The following EPHA3 variants were observed in gnomAD, a reference collection of about 807,000 sequenced individuals.
EPHA3 encodes EPH receptor A3.
A neutral mutation model predicts 107.1 loss-of-function variants in EPHA3; 42 were observed. The ratio of observed to expected loss-of-function variants is 0.39; its 90% CI spans 0.31 to 0.51. The LOEUF is 0.51. EPHA3 is among the 20% of genes least tolerant of loss of function. The probability of loss-of-function intolerance (pLI) is 0.78; values close to 1 mark genes in which losing one functional copy is unlikely to be tolerated. For synonymous variants in EPHA3, 461 were observed against 424.8 expected, an observed-to-expected ratio of 1.09 and a Z score of -1.05; for missense variants, 1,183 against 1,211.2, an observed-to-expected ratio of 0.98 and a Z score of 0.35.
At chr3:89,245,129 A>G (rs1416313743) in intron 3 of EPHA3, among the ~76,000 whole-genome samples, 1 of 152,216 alleles carries the variant, frequency 6.6e-6, no homozygotes, top group East Asian at 1.9e-4. Flanking sequence ...AATAGCACAG[A>G]TCATGCCTAT....
At chr3:89,231,420 A>G (rs1704631899) in intron 3 of EPHA3, among the ~76,000 whole-genome samples, 1 of 152,204 alleles carries the variant, frequency 6.6e-6, no homozygotes, top group Non-Finnish European at 1.5e-5. Context: ...ACTATTTTCT[A>G]TTAAATACCT....
At position 89,451,079 on chromosome 3, in the gene EPHA3, C is replaced by T. The variant is rs923338352; in HGVS notation, c.2690+709C>T. ...ACAAATATTTGTCTAGTCTATATTG[C>T]GTATCAATTACTTTGCTAGACACCA... On this transcript the variant is annotated intron_variant, in intron 15 of 16. Coordinates refer to ENST00000336596, the MANE Select transcript of EPHA3 (RefSeq NM_005233.6). 5.3e-5 allele frequency among the ~76,000 whole-genome samples: 8 copies of T among 152,132 alleles called. No homozygotes were observed. In the South Asian group the frequency reaches 1.2e-3, roughly 24 times the overall value.
chr3:89,391,568 T>C (rs1186472697), intron 5 of EPHA3, among the ~76,000 whole-genome samples: 2 of 151,136 alleles, frequency 1.3e-5, no homozygotes, highest in African/African-American at 2.4e-5. Flanking sequence ...GCTGGGACTA[T>C]AGGTGCCCGC....
chr3:89,136,191 A>AT (rs1704305904), intron 2 of EPHA3, among the ~76,000 whole-genome samples: 1 of 152,002 alleles, frequency 6.6e-6, no homozygotes. Context: ...AATTTTTGAC[A>AT]TATGTGATAT....
intron 13 of EPHA3, among the ~76,000 whole-genome samples, chr3:89,435,357 C>T (rs1232439136): frequency 1.3e-5 from 2 of 150,290 alleles, no homozygotes; most frequent in East Asian, 2.0e-4. Context: ...CTTGACACTT[C>T]GAGAGGCCAA....
chr3:89,456,653 A>G (rs1710103343), intron 15 of EPHA3, among the ~76,000 whole-genome samples: 2 of 152,150 alleles, frequency 1.3e-5, no homozygotes, highest in South Asian at 4.1e-4. Flanking sequence ...GAAGGTGGAA[A>G]AGCTGATGGT....
chr3:89,131,246 C>T (rs1576170916), intron 2 of EPHA3, among the ~76,000 whole-genome samples: 1 of 152,050 alleles, frequency 6.6e-6, no homozygotes, highest in Admixed American at 6.6e-5. Context: ...TTCTCTGGCC[C>T]TATAAACTAT....
At chr3:89,152,231 C>T (rs1217591821) in intron 2 of EPHA3, among the ~76,000 whole-genome samples, 1 of 151,996 alleles carries the variant, frequency 6.6e-6, no homozygotes, top group East Asian at 1.9e-4. Context: ...ATCTCTAACT[C>T]AACAAATGAT....
chr3:89,148,440 A>G (rs1190715602), intron 2 of EPHA3, among the ~76,000 whole-genome samples: 1 of 151,952 alleles, frequency 6.6e-6, no homozygotes, highest in Non-Finnish European at 1.5e-5. Context: ...AGCAAACAAA[A>G]GGAATTTATG....
chr3:89,245,841 G>A (rs1705019357), intron 3 of EPHA3, among the ~76,000 whole-genome samples: 2 of 152,170 alleles, frequency 1.3e-5, no homozygotes, highest in African/African-American at 4.8e-5. Context: ...GGGTCAAATT[G>A]TACAAGGACA....
chr3:89,140,580 A>C (rs1295381492), intron 2 of EPHA3, among the ~76,000 whole-genome samples: 1 of 151,782 alleles, frequency 6.6e-6, no homozygotes, highest in Non-Finnish European at 1.5e-5. Flanking sequence ...CTCCCAAAAA[A>C]CCTTTGTGGT....
chr3:89,441,450 GA>G (rs1406873942), intron 13 of EPHA3, among the ~76,000 whole-genome samples: 1 of 152,180 alleles, frequency 6.6e-6, no homozygotes, highest in Non-Finnish European at 1.5e-5. Context: ...TTAGGATATA[GA>G]GACCAGTAAA....
At chr3:89,200,881 C>G (rs1023065034) in intron 2 of EPHA3, among the ~76,000 whole-genome samples, 1 of 152,034 alleles carries the variant, frequency 6.6e-6, no homozygotes, top group Non-Finnish European at 1.5e-5. Flanking sequence ...TCTGTGTGAG[C>G]GTGCCCTTCA....
At chr3:89,370,154 T>A (rs1303640087) in intron 5 of EPHA3, among the ~76,000 whole-genome samples, 1 of 150,990 alleles carries the variant, frequency 6.6e-6, no homozygotes, top group East Asian at 1.9e-4. Flanking sequence ...ATTCCATTAC[T>A]GGGTATATAC....
intron 3 of EPHA3, among the ~76,000 whole-genome samples, chr3:89,293,742 ATTGTAAG>A (rs1328820537): frequency 6.6e-6 from 1 of 152,006 alleles, no homozygotes; most frequent in Non-Finnish European, 1.5e-5. Context: ...TACTGCCACG[ATTGTAAG>A]TTTCCTGAGG....
At chr3:89,310,404 C>T (rs374706287) in intron 3 of EPHA3, among the ~76,000 whole-genome samples, 14 of 151,880 alleles carry the variant, frequency 9.2e-5, no homozygotes, top group Admixed American at 1.3e-4. Context: ...AGTATTGATA[C>T]GAATTTTTGG....
At chr3:89,148,494 G>C (rs1012004481) in intron 2 of EPHA3, among the ~76,000 whole-genome samples, 2 of 151,890 alleles carry the variant, frequency 1.3e-5, no homozygotes, top group Non-Finnish European at 2.9e-5. Flanking sequence ...TATACAAAAT[G>C]TTTGTGTCTT....
At chr3:89,370,344 C>A (rs888376828) in intron 5 of EPHA3, among the ~76,000 whole-genome samples, 2 of 151,818 alleles carry the variant, frequency 1.3e-5, no homozygotes, top group Non-Finnish European at 2.9e-5. Context: ...ATGATGAGTT[C>A]ATGTCCTTTT....
chr3:89,403,494 G>GA (rs111701112), intron 7 of EPHA3, among the ~76,000 whole-genome samples: 90 of 148,684 alleles, frequency 6.1e-4, no homozygotes, highest in African/African-American at 1.1e-3. Context: ...TATTGCACAT[G>GA]AAAAAAAAAA....
Sources: gnomAD v4.1 joint callset for allele counts (sites outside exome capture counted in the v4.1 genomes callset) on GRCh38, gnomAD v4.1.1 for gene constraint, MANE v1.5 for transcripts, NCBI Gene and HGNC (gene_info 2026-07-23, HGNC 2026-07-21) for gene names.